Variants in SMOC2 observed in about 807,000 individuals in gnomAD.
SMOC2 encodes the protein SPARC-related modular calcium-binding protein 2.
SMOC2 carries 39 observed loss-of-function variants against 61.4 expected under a neutral mutation model. That is an observed-to-expected ratio of 0.64 (90% CI 0.49 to 0.83). The LOEUF (loss-of-function observed/expected upper bound fraction) is 0.83, where lower values mean the gene tolerates loss of function less well. SMOC2 is among the 40% of genes least tolerant of loss of function. SMOC2 has a pLI of 0.00. For missense variants in SMOC2, 556 were observed against 592.9 expected, an observed-to-expected ratio of 0.94 and a Z score of 0.65; for synonymous variants, 247 against 239.9, an observed-to-expected ratio of 1.03 and a Z score of -0.27.
chr6:168,601,198 T>C (rs763536450), intron 8 of SMOC2, among the ~76,000 whole-genome samples: 3 of 152,236 alleles, frequency 2.0e-5, no homozygotes, highest in Non-Finnish European at 2.9e-5. Context: ...AGCCGACTAA[T>C]GCCTGTTTCA....
chr6:168,637,354 C>G (rs1395667333), intron 9 of SMOC2, among the ~76,000 whole-genome samples: 1 of 152,122 alleles, frequency 6.6e-6, no homozygotes, highest in Non-Finnish European at 1.5e-5. Context: ...TCTGCAGTTT[C>G]CTGGACCTGG....
At chr6:168,540,384 C>G (rs1348960578) in intron 4 of SMOC2, among the ~76,000 whole-genome samples, 1 of 152,236 alleles carries the variant, frequency 6.6e-6, no homozygotes, top group African/African-American at 2.4e-5. Flanking sequence ...CGTGGAGAGG[C>G]AGCTTCCGAT....
intron 4 of SMOC2, among the ~76,000 whole-genome samples, chr6:168,529,031 C>T (rs1783520890): frequency 6.6e-6 from 1 of 152,144 alleles, no homozygotes; most frequent in Non-Finnish European, 1.5e-5. Context: ...TTAGTGATAT[C>T]ATCTGATAAT....
At position 168,452,462 on chromosome 6, in the gene SMOC2, C is replaced by G. The variant is rs984234383; in HGVS notation, c.84+11008C>G. Among the ~76,000 whole-genome samples, 1 of 152,072 alleles carries G rather than the reference C, an allele frequency of 6.6e-6. No homozygotes were observed. The highest frequency in any genetic ancestry group is 1.5e-5 in the Non-Finnish European group (1 of 68,018). ...TGTGAGGTCAGTCCACTTTGTGAGT[C>G]GGGTTTTATTCAAAGCAATCGCTTA... On this transcript the variant is annotated intron_variant, in intron 1 of 12. Coordinates refer to ENST00000356284, the MANE Select transcript of SMOC2 (RefSeq NM_001166412.2). This position sits in a 1 kb window ranked among gnomAD's most constrained non-coding sequence, Gnocchi z 5.0.
chr6:168,543,787 C>G, intron 5 of SMOC2, 115 bp downstream of exon 5: 1 of 928,462 alleles, frequency 1.1e-6, no homozygotes, highest in Non-Finnish European at 1.7e-6. Context: ...AGAGCCGAAC[C>G]AGTTTGTTAC....
At chr6:168,580,627 G>A (rs756279521) in intron 7 of SMOC2, among the ~76,000 whole-genome samples, 3 of 152,130 alleles carry the variant, frequency 2.0e-5, no homozygotes, top group African/African-American at 7.2e-5. Context: ...CTGCAGCCTC[G>A]ACCTCCCAGG....
At chr6:168,623,983 C>G (rs1054570796) in intron 9 of SMOC2, among the ~76,000 whole-genome samples, 1 of 152,118 alleles carries the variant, frequency 6.6e-6, no homozygotes, top group Non-Finnish European at 1.5e-5. Context: ...GGGGCATCGC[C>G]GCAGAGGAGG....
At chr6:168,463,861 G>A (rs1781766955) in intron 1 of SMOC2, among the ~76,000 whole-genome samples, 2 of 152,112 alleles carry the variant, frequency 1.3e-5, no homozygotes, top group Non-Finnish European at 2.9e-5. Context: ...GGAGAACTTG[G>A]ATGGACTTCT....
rs139480259 is a variant in SMOC2, at chr6:168,518,949, GTT to G, written c.257-7396_257-7395del. ...TGTGCGTGCATATGCTTGCATGTGT[GTT>G]AGTGTGTATCCGTGCACGCGTGTGT... On this transcript the variant is annotated intron_variant, in intron 2 of 12. Transcript: ENST00000356284. 6.2e-3 allele frequency among the ~76,000 whole-genome samples: 945 copies of G among 151,408 alleles called. 7 individuals are homozygous for G. Among genetic ancestry groups the G allele is most frequent in the Middle Eastern group, 0.01 (3 of 292 alleles).
chr6:168,652,180 C>T (rs1191515949), intron 10 of SMOC2, among the ~76,000 whole-genome samples: 1 of 152,116 alleles, frequency 6.6e-6, no homozygotes, highest in Non-Finnish European at 1.5e-5. Flanking sequence ...GAATTGCTAA[C>T]TAAACTAAAT....
intron 8 of SMOC2, among the ~76,000 whole-genome samples, chr6:168,601,793 G>A (rs867198447): frequency 2.0e-5 from 3 of 152,260 alleles, no homozygotes; most frequent in Non-Finnish European, 1.5e-5. Flanking sequence ...ACCTGCCAAC[G>A]TCCACTATTG....
At chr6:168,563,921 G>C (rs541595423) in intron 7 of SMOC2, among the ~76,000 whole-genome samples, 1 of 152,082 alleles carries the variant, frequency 6.6e-6, no homozygotes, top group Admixed American at 6.6e-5. Flanking sequence ...TGCAGGGGGC[G>C]GGGGCGGGTG....
chr6:168,631,449 C>G (rs959231326), intron 9 of SMOC2, among the ~76,000 whole-genome samples: 1 of 152,108 alleles, frequency 6.6e-6, no homozygotes, highest in Non-Finnish European at 1.5e-5. Context: ...ATGAGTGTTC[C>G]AGAGAAAATG....
chr6:168,652,172 A>G (rs186931738), intron 10 of SMOC2, among the ~76,000 whole-genome samples: 1 of 152,354 alleles, frequency 6.6e-6, no homozygotes, highest in Non-Finnish European at 1.5e-5. Flanking sequence ...CAGTAAATGA[A>G]TTGCTAACTA....
intron 2 of SMOC2, among the ~76,000 whole-genome samples, chr6:168,520,961 C>A (rs960394876): frequency 6.6e-6 from 1 of 152,176 alleles, no homozygotes; most frequent in African/African-American, 2.4e-5. Flanking sequence ...CTCTCCAGAT[C>A]TCTGTAAAAT....
At chr6:168,548,048 G>A (rs902859323) in intron 6 of SMOC2, among the ~76,000 whole-genome samples, 8 of 152,148 alleles carry the variant, frequency 5.3e-5, no homozygotes, top group African/African-American at 1.7e-4. Flanking sequence ...AGGTCAAAGG[G>A]AACCGGGGTT....
chr6:168,589,524 T>G (rs927089972), intron 7 of SMOC2, among the ~76,000 whole-genome samples: 1 of 152,060 alleles, frequency 6.6e-6, no homozygotes, highest in Non-Finnish European at 1.5e-5. Flanking sequence ...CAGGGAAACA[T>G]GGAAAAGCTG....
rs561164298 is a variant in SMOC2 at position 168,653,045 on chromosome 6, G to A, written c.1102G>A (p.Gly368Ser). 1.6e-5 allele frequency: 26 copies of A among 1,614,048 alleles called. No homozygotes were observed. The highest frequency in any genetic ancestry group is 3.3e-5 in the South Asian group (3 of 91,070). ...GGATAAAAACTCCAGTGGAGACATCGGCAAAAAGGAAATCAAACCCTTCAA... is the reference window on the plus strand; with the variant it reads ...GGATAAAAACTCCAGTGGAGACATCAGCAAAAAGGAAATCAAACCCTTCAA... The part of the protein sequence containing the change: ...LLDKNSSGDI[G>S]KKEIKPFKRF... The change falls in exon 11 of 13, where the codon GGC becomes AGC. Residue 368 changes from glycine to serine, a missense_variant. Coordinates refer to ENST00000356284, the MANE Select transcript of SMOC2 (RefSeq NM_001166412.2).
intron 10 of SMOC2, among the ~76,000 whole-genome samples, chr6:168,651,668 T>C (rs1787196801): frequency 6.6e-6 from 1 of 152,184 alleles, no homozygotes; most frequent in African/African-American, 2.4e-5. Flanking sequence ...CTCCTCTCAC[T>C]GTCTGTCTGC....
Sources: gnomAD v4.1 joint callset for allele counts (sites outside exome capture counted in the v4.1 genomes callset) on GRCh38, gnomAD v4.1.1 for gene constraint, Gnocchi (gnomAD v3.1) non-coding constraint, MANE v1.5 for transcripts, NCBI Gene and HGNC (gene_info 2026-07-23, HGNC 2026-07-21) for gene names.